Variants in NALF1 observed in about 807,000 individuals in gnomAD.
NALF1 encodes the protein NALCN channel auxiliary factor 1, also known as family with sequence similarity 155 member A.
A neutral mutation model predicts 48.4 loss-of-function variants in NALF1; 3 were observed. The ratio of observed to expected loss-of-function variants is 0.06; its 90% CI spans 0.03 to 0.16. The LOEUF (loss-of-function observed/expected upper bound fraction) is 0.16, where lower values mean the gene tolerates loss of function less well. Among genes scored for constraint, NALF1 ranks in the 10% least tolerant of loss-of-function variants. The pLI, the probability that NALF1 is intolerant of heterozygous loss-of-function variation, is 1.00. For synonymous variants in NALF1, 262 were observed against 245.7 expected, an observed-to-expected ratio of 1.07 and a Z score of -0.62; for missense variants, 526 against 571.5, an observed-to-expected ratio of 0.92 and a Z score of 0.81.
intron 1 of NALF1, among the ~76,000 whole-genome samples, chr13:107,219,200 G>A (rs1879940850): frequency 6.6e-6 from 1 of 152,112 alleles, no homozygotes; most frequent in Admixed American, 6.5e-5. Context: ...GTCGGAATGG[G>A]CCCGTAGTAA....
intron 2 of NALF1, among the ~76,000 whole-genome samples, chr13:107,175,504 T>C (rs1878908811): frequency 6.6e-6 from 1 of 152,200 alleles, no homozygotes; most frequent in South Asian, 2.1e-4. Context: ...CCTTACCTAT[T>C]CTTTGATTCT....
chr13:107,810,548 T>A (rs1467498193), intron 1 of NALF1, among the ~76,000 whole-genome samples: 1 of 152,148 alleles, frequency 6.6e-6, no homozygotes, highest in African/African-American at 2.4e-5. Flanking sequence ...GCTTCTTTTA[T>A]ATTTATACAC....
chr13:107,533,564 A>C (rs193146316), intron 1 of NALF1, among the ~76,000 whole-genome samples: 30 of 152,242 alleles, frequency 2.0e-4, no homozygotes, highest in Admixed American at 1.6e-3. Flanking sequence ...GTTCTTTATA[A>C]AGTACACAGT....
chr13:107,307,667 C>G (rs1446520729), intron 1 of NALF1, among the ~76,000 whole-genome samples: 2 of 145,514 alleles, frequency 1.4e-5, no homozygotes, highest in African/African-American at 5.0e-5. Context: ...CTTGCTGGTG[C>G]TATAATGGCA....
At chr13:107,629,869 A>G (rs1879785821) in intron 1 of NALF1, among the ~76,000 whole-genome samples, 1 of 152,134 alleles carries the variant, frequency 6.6e-6, no homozygotes, top group Non-Finnish European at 1.5e-5. Flanking sequence ...TCTGTTTTCA[A>G]TGAAACTCAC....
At chr13:107,340,013 C>A (rs1047339509) in intron 1 of NALF1, among the ~76,000 whole-genome samples, 3 of 152,070 alleles carry the variant, frequency 2.0e-5, no homozygotes, top group African/African-American at 7.2e-5. Flanking sequence ...TGCAGTTAGA[C>A]AACATGAAGA....
chr13:107,352,004 A>G (rs117237116), intron 1 of NALF1, among the ~76,000 whole-genome samples: 1 of 152,330 alleles, frequency 6.6e-6, no homozygotes, highest in East Asian at 1.9e-4. Flanking sequence ...ATGAATATTT[A>G]TGGAGGGGGT....
At chr13:107,300,591 A>C (rs1410686363) in intron 1 of NALF1, among the ~76,000 whole-genome samples, 1 of 152,262 alleles carries the variant, frequency 6.6e-6, no homozygotes, top group East Asian at 1.9e-4. Flanking sequence ...TGTAATAAAA[A>C]ATAGGAAAAT....
intron 1 of NALF1, among the ~76,000 whole-genome samples, chr13:107,579,991 T>C (rs552340170): frequency 3.4e-4 from 51 of 152,020 alleles, no homozygotes; most frequent in African/African-American, 1.1e-3. Flanking sequence ...TAAAGACACA[T>C]GCACACGTAT....
chr13:107,639,490 A>T (rs1024578420), intron 1 of NALF1, among the ~76,000 whole-genome samples: 1 of 152,106 alleles, frequency 6.6e-6, no homozygotes, highest in Non-Finnish European at 1.5e-5. Context: ...AAAGTCAGCT[A>T]AATTTGTGCT....
rs74112602 is a variant in NALF1 at position 107,760,393 on chromosome 13, C to T, written c.915+105289G>A. ...GAGGAACATCTGTAGAAGGAAAGCACCACCCCTCCTGATGAGCCCTGGAAA... is the reference window on the plus strand; with the variant it reads ...GAGGAACATCTGTAGAAGGAAAGCATCACCCCTCCTGATGAGCCCTGGAAA... On this transcript the variant is annotated intron_variant, in intron 1 of 2. Coordinates refer to ENST00000375915, the MANE Select transcript of NALF1 (RefSeq NM_001080396.3). 7.0e-3 allele frequency among the ~76,000 whole-genome samples: 1,063 copies of T among 152,198 alleles called. 11 individuals carry two copies. Among genetic ancestry groups the T allele is most frequent in the African/African-American group, 0.024 (1,006 of 41,520 alleles).
intron 1 of NALF1, among the ~76,000 whole-genome samples, chr13:107,601,141 C>G (rs1878913078): frequency 6.6e-6 from 1 of 152,054 alleles, no homozygotes; most frequent in Non-Finnish European, 1.5e-5. Flanking sequence ...GCTGTAGTAT[C>G]CATTAGGCAG....
At chr13:107,321,300 GC>G (rs1277958889) in intron 1 of NALF1, among the ~76,000 whole-genome samples, 1 of 151,966 alleles carries the variant, frequency 6.6e-6, no homozygotes. Flanking sequence ...CAGAACAGAA[GC>G]AATTTTATTT....
intron 1 of NALF1, among the ~76,000 whole-genome samples, chr13:107,216,024 T>G (rs557238366): frequency 1.3e-5 from 2 of 152,340 alleles, no homozygotes; most frequent in East Asian, 3.9e-4. Flanking sequence ...ATATTAAAAA[T>G]GGTTGTCAGC....
At chr13:107,457,899 T>G (rs1884850320) in intron 1 of NALF1, among the ~76,000 whole-genome samples, 1 of 152,216 alleles carries the variant, frequency 6.6e-6, no homozygotes, top group Non-Finnish European at 1.5e-5. Context: ...CAAACAGAGC[T>G]GTTGCTTCCA....
At chr13:107,479,258 A>C (rs1233023975) in intron 1 of NALF1, among the ~76,000 whole-genome samples, 1 of 152,172 alleles carries the variant, frequency 6.6e-6, no homozygotes, top group Non-Finnish European at 1.5e-5. Context: ...CAAAGCCCTC[A>C]AGAGAGCTAT....
chr13:107,258,364 T>C (rs1262734458), intron 1 of NALF1, among the ~76,000 whole-genome samples: 4 of 152,214 alleles, frequency 2.6e-5, no homozygotes, highest in African/African-American at 9.7e-5. Flanking sequence ...CTAACTCATA[T>C]TGCCTCCACG....
At chr13:107,773,467 G>A (rs1309722510) in intron 1 of NALF1, among the ~76,000 whole-genome samples, 2 of 151,906 alleles carry the variant, frequency 1.3e-5, no homozygotes, top group Non-Finnish European at 2.9e-5. Flanking sequence ...GGTTAAATAA[G>A]CTAAAATTCT....
chr13:107,683,649 T>G (rs1387048870), intron 1 of NALF1, among the ~76,000 whole-genome samples: 1 of 152,162 alleles, frequency 6.6e-6, no homozygotes, highest in Non-Finnish European at 1.5e-5. Context: ...CTTTCTTAGC[T>G]GGAAAGTTGA....
Sources: allele counts gnomAD v4.1 joint callset (sites outside exome capture counted in the v4.1 genomes callset), GRCh38; gene constraint gnomAD v4.1.1; transcripts MANE v1.5; gene names NCBI Gene and HGNC (gene_info 2026-07-23, HGNC 2026-07-21).